PRDM4: variants seen among roughly 807,000 people sequenced by gnomAD.
PRDM4 encodes PR/SET domain 4.
PRDM4 carries 38 observed loss-of-function variants against 62.3 expected under a neutral mutation model. The observed-to-expected ratio is 0.61, with a 90% CI of 0.47 to 0.80. The LOEUF (loss-of-function observed/expected upper bound fraction) is 0.80. Among genes scored for constraint, PRDM4 ranks in the 30% least tolerant of loss-of-function variants. The probability of loss-of-function intolerance (pLI) is 0.00; values close to 1 mark genes in which losing one functional copy is unlikely to be tolerated. For synonymous variants in PRDM4, 339 were observed against 348.2 expected, an observed-to-expected ratio of 0.97 and a Z score of 0.30; for missense variants, 858 against 997.1, an observed-to-expected ratio of 0.86 and a Z score of 1.88.
chr12:107,737,223 GC>G (rs1890362384), intron 11 of PRDM4, among the ~76,000 whole-genome samples: 2 of 152,026 alleles, frequency 1.3e-5, no homozygotes, highest in Admixed American at 6.6e-5. Flanking sequence ...TGGCATTAGG[GC>G]TGTAGCTGTT....
At chr12:107,734,941 TTTA>T (rs1315164348) in intron 11 of PRDM4, among the ~76,000 whole-genome samples, 1 of 152,206 alleles carries the variant, frequency 6.6e-6, no homozygotes, top group Non-Finnish European at 1.5e-5. Flanking sequence ...TTTCCAGTTT[TTTA>T]TTATCACAAG....
At chr12:107,743,697 T>C (rs1890590951) in intron 7 of PRDM4, among the ~76,000 whole-genome samples, 2 of 152,232 alleles carry the variant, frequency 1.3e-5, no homozygotes, top group Admixed American at 6.5e-5. Flanking sequence ...AAGTTCCCAA[T>C]GACAGTGGTA....
chr12:107,746,445 C>T, intron 5 of PRDM4, 21 bp from the exon 6 acceptor site: 1 of 1,543,144 alleles, frequency 6.5e-7, no homozygotes, highest in Non-Finnish European at 8.7e-7. Context: ...CAAATTTGAG[C>T]AATACAAATG....
intron 5 of PRDM4, among the ~76,000 whole-genome samples, chr12:107,747,270 T>A (rs527640258): frequency 1.3e-5 from 2 of 152,034 alleles, no homozygotes; most frequent in Non-Finnish European, 2.9e-5. Context: ...AAGAGGAAAC[T>A]GAGTTGAAAT....
intron 5 of PRDM4, among the ~76,000 whole-genome samples, chr12:107,747,119 T>A (rs1890732935): frequency 6.6e-6 from 1 of 151,604 alleles, no homozygotes; most frequent in African/African-American, 2.4e-5. Flanking sequence ...CCCATCTGTT[T>A]AAAAAAAATT....
At chr12:107,756,700 C>T in intron 3 of PRDM4, 132 bp downstream of exon 3, 4 of 1,065,432 alleles carry the variant, frequency 3.8e-6, no homozygotes, top group South Asian at 3.6e-5. Context: ...CATGTTGAAC[C>T]ACCATTCAGG....
In PRDM4 at chr12:107,746,384, G is replaced by A. The variant is rs201315654; in HGVS notation, c.1167C>T (p.Pro389=). 21 of 1,612,968 alleles carry A rather than the reference G, an allele frequency of 1.3e-5. No homozygotes were observed. The highest frequency in any genetic ancestry group is 2.2e-5 in the East Asian group (1 of 44,846). The change falls in exon 6 of 12, where the codon CCC becomes CCT. Residue 389 remains proline, a synonymous_variant. Transcript: ENST00000228437. ...GAACAAAAGTCACTGGTCCATGTTC[G>A]GGACAGTCCGAGGGATAGGCGCGGT... ...LCDRAYPSDC[P]EHGPVTFVPD... is the part of the protein sequence containing the mutation.
At chr12:107,736,784 A>G (rs979739165) in intron 11 of PRDM4, 1 of 152,328 alleles carries the variant, frequency 6.6e-6, no homozygotes, top group African/African-American at 2.4e-5. Flanking sequence ...GAAGCCATCC[A>G]TAGAAGAAAA....
intron 5 of PRDM4, among the ~76,000 whole-genome samples, chr12:107,749,091 T>G (rs555879186): frequency 9.2e-4 from 140 of 152,294 alleles, no homozygotes; most frequent in Non-Finnish European, 1.7e-3. Flanking sequence ...ATTTGGAAGC[T>G]CCTCTTCTGC....
In PRDM4 at chr12:107,746,283, G is replaced by C; in HGVS notation, c.1268C>G (p.Ala423Gly). ...AGTTCCAAGGTTCTTACCAACTTCT[G>C]CTCCCACAATTGACTGACGGAGAAC... ...QLVLRQSIVG[A>G]EVGVWTGETI... Residue 423 changes from alanine to glycine, a missense_variant, in exon 6 of 12, where the codon GCA (alanine) becomes GGA (glycine). By Grantham distance (60) the Ala-to-Gly change is moderately conservative. Transcript: ENST00000228437. The C allele has an allele frequency of 6.2e-7, 1 of 1,613,942 alleles. No individual in the cohort carries two copies. Among genetic ancestry groups the C allele is most frequent in the South Asian group, 1.1e-5 (1 of 91,022 alleles).
Position 107,739,467 on chromosome 12 carries a change from C to A in PRDM4, c.2009G>T (p.Gly670Val), listed in dbSNP as rs1044333611. 5 of 1,613,920 alleles carry A rather than the reference C, an allele frequency of 3.1e-6. No individual in the cohort carries two copies. The highest frequency in any genetic ancestry group is 4.2e-6 in the Non-Finnish European group (5 of 1,179,850). ...GTAATCACACTTAAGATTCTTCTCC[C>A]CAGTGTGGATAACCATGTGGGACTC... ...HLESHMVIHT[G>V]EKNLKCDYCD... is the part of the protein sequence containing the mutation. Residue 670 changes from glycine to valine, a missense_variant, in exon 11 of 12, where the codon GGG (glycine) becomes GTG (valine). By Grantham distance (109) the Gly-to-Val change is moderately radical (BLOSUM62 -3). Transcript: ENST00000228437.
At chr12:107,744,432 G>T in intron 7 of PRDM4, 111 bp downstream of exon 7, 1 of 1,196,102 alleles carries the variant, frequency 8.4e-7, no homozygotes, top group Non-Finnish European at 1.2e-6. Context: ...TGACTGACCA[G>T]TGAATGGCAC....
intron 5 of PRDM4, among the ~76,000 whole-genome samples, chr12:107,747,960 C>G (rs1890767476): frequency 6.6e-6 from 1 of 152,028 alleles, no homozygotes; most frequent in African/African-American, 2.4e-5. Flanking sequence ...GCCATGTTGC[C>G]TAGGCTGGTC....
chr12:107,734,853 A>G lies in PRDM4; in HGVS notation c.2094-331T>C, dbSNP rs549726672. Among the ~76,000 whole-genome samples, 129 of 152,332 alleles carry G rather than the reference A, an allele frequency of 8.5e-4. 3 individuals carry two copies. The South Asian group carries it at 0.025, about 29-fold the overall frequency. ...TGTTTGTTCCCTTCCACTGCTGTAT[A>G]CTATTTACAAATATACAAATACACC... is the stretch of plus-strand genomic sequence containing the variant. On this transcript the variant is annotated intron_variant, in intron 11 of 11. Transcript: ENST00000228437.
Position 107,734,486 on chromosome 12 carries a change from C to T in PRDM4, c.2130G>A (p.Leu710=). Residue 710 remains leucine (L), a synonymous_variant, in exon 12 of 12, where the codon CTG becomes CTA. Coordinates refer to ENST00000228437, the MANE Select transcript of PRDM4 (RefSeq NM_012406.4). ...TCTTTAAGTGATTTGTTCTCAAGAA[C>T]AGCTTATCACACTTGGGACACTTGA... ...RQIKCPKCDK[L]FLRTNHLKKH... is the part of the protein sequence containing the mutation. 1 of 1,614,054 alleles carries T rather than the reference C, an allele frequency of 6.2e-7. No homozygotes were observed. Among genetic ancestry groups the T allele is most frequent in the Non-Finnish European group, 8.5e-7 (1 of 1,179,920 alleles).
At chr12:107,751,342 T>C in intron 5 of PRDM4, 73 bp downstream of exon 5, 1 of 1,453,500 alleles carries the variant, frequency 6.9e-7, no homozygotes, top group South Asian at 1.3e-5. Flanking sequence ...TGCCAAACTT[T>C]ACGACTTAAC....
intron 11 of PRDM4, among the ~76,000 whole-genome samples, chr12:107,735,941 C>G (rs1890316289): frequency 6.6e-6 from 1 of 151,944 alleles, no homozygotes. Flanking sequence ...CTGAAGAACC[C>G]TTAGAATTCC....
Position 107,751,588 on chromosome 12 carries a change from T to G in PRDM4, c.953A>C (p.His318Pro), listed in dbSNP as rs935137773. Residue 318 changes from histidine to proline, a missense_variant, in exon 5 of 12, where the codon CAT becomes CCT. Around this residue, in one of 3 missense-constraint regions of PRDM4, gnomAD observed 499 missense variants for 546.7 expected, o/e 0.91. Transcript: ENST00000228437. Reference protein sequence around the residue: ...NLASLESVSLHEVGLSLEPVA... With the variant: ...NLASLESVSLPEVGLSLEPVA... ...AGGTTCTAGGCTGAGGCCAACTTCA[T>G]GGAGGGAAACAGATTCTAGGGAGGC... The G allele has an allele frequency of 3.1e-6, 5 of 1,613,468 alleles. No individual in the cohort carries two copies. The Admixed American group carries it at 5.0e-5, about 16-fold the overall frequency.
intron 2 of PRDM4, among the ~76,000 whole-genome samples, chr12:107,758,585 T>C (rs1426428893): frequency 6.6e-6 from 1 of 152,166 alleles, no homozygotes; most frequent in Non-Finnish European, 1.5e-5. Context: ...AATTCAGAAC[T>C]AATTTAAGAA....
Sources: gnomAD v4.1 joint callset for allele counts (sites outside exome capture counted in the v4.1 genomes callset) on GRCh38, gnomAD v4.1.1 for gene constraint, gnomAD v4.1.1 regional missense constraint, MANE v1.5 for transcripts, NCBI Gene and HGNC (gene_info 2026-07-23, HGNC 2026-07-21) for gene names.